NEDD4: variants seen among roughly 807,000 people sequenced by gnomAD.
NEDD4 encodes E3 ubiquitin-protein ligase NEDD4.
In NEDD4, 99 loss-of-function variants were observed where a neutral mutation model predicts 144.9. The observed-to-expected ratio is 0.68, with a 90% CI of 0.58 to 0.81. The LOEUF (loss-of-function observed/expected upper bound fraction) is 0.81. Among genes scored for constraint, NEDD4 ranks in the 30% least tolerant of loss-of-function variants. NEDD4 has a pLI of 0.00. For synonymous variants in NEDD4, 318 were observed against 350.6 expected (o/e 0.91, Z 1.04); for missense variants, 985 against 1,065.9 (o/e 0.92, Z 1.06).
At chr15:55,847,344 C>G (rs1452383835) in intron 17 of NEDD4, among the ~76,000 whole-genome samples, 2 of 152,088 alleles carry the variant, frequency 1.3e-5, no homozygotes, top group African/African-American at 4.8e-5. Context: ...ATTTCCATTT[C>G]TAAAGAGACT....
chr15:55,915,953 A>T, intron 5 of NEDD4: 1 of 1,613,894 alleles, frequency 6.2e-7, no homozygotes, highest in Non-Finnish European at 8.5e-7. Context: ...GTGAAGTTTG[A>T]TAGGATCCTT....
chr15:55,882,012 G>A lies in NEDD4; in HGVS notation c.292-8004C>T, dbSNP rs763048731. On this transcript the variant is annotated intron_variant, in intron 5 of 28. Transcript: ENST00000435532. ...GGGTGGCAAGATCATTCCTCATTAA[G>A]AACCACTGCTACAGAAGGTATAAGA... 2.0e-5 allele frequency among the ~76,000 whole-genome samples: 3 copies of A among 152,108 alleles called. 1 individual carries two copies. The highest frequency in any genetic ancestry group is 7.2e-5 in the African/African-American group (3 of 41,412).
At chr15:55,915,505 G>C in intron 5 of NEDD4, 1 of 1,613,798 alleles carries the variant, frequency 6.2e-7, no homozygotes, top group Non-Finnish European at 8.5e-7. Context: ...ATCTGTGAAT[G>C]TGGTCTTTCC....
At chr15:55,921,073 A>G (rs1186197004) in intron 5 of NEDD4, among the ~76,000 whole-genome samples, 2 of 152,208 alleles carry the variant, frequency 1.3e-5, no homozygotes, top group African/African-American at 4.8e-5. Flanking sequence ...AAGTCTACGA[A>G]TGTTAAATGA....
intron 5 of NEDD4, among the ~76,000 whole-genome samples, chr15:55,884,690 G>A (rs1218549684): frequency 6.6e-6 from 1 of 151,932 alleles, no homozygotes; most frequent in Non-Finnish European, 1.5e-5. Context: ...GTTAATATCA[G>A]AATTTATCAA....
chr15:55,896,948 C>T (rs1227772281), intron 5 of NEDD4, among the ~76,000 whole-genome samples: 1 of 151,626 alleles, frequency 6.6e-6, no homozygotes, highest in Non-Finnish European at 1.5e-5. Context: ...TATGAATATA[C>T]AATTTATAAA....
rs2034700749 is a variant in NEDD4 at position 55,869,572 on chromosome 15, A to G, written c.507+7T>C. The G allele has an allele frequency of 1.3e-6, 2 of 1,527,042 alleles. No homozygotes were observed. The highest frequency in any genetic ancestry group is 1.4e-5 in the African/African-American group (1 of 72,300). 94.6% of individuals were successfully genotyped at this position (1,527,042 alleles called of 1,614,324 possible). On this transcript the variant is annotated splice_region_variant and intron_variant, in intron 8 of 28. Coordinates refer to ENST00000435532, the MANE Select transcript of NEDD4 (RefSeq NM_006154.4). ...TTTAGTTTAACCAAATATTTATAAA[A>G]TCTCACCTCTAATTCCTCAGCCTGT...
chr15:55,974,891 C>CTTTCTTTTTTTTTTTTTTT (rs2037673350), intron 1 of NEDD4, among the ~76,000 whole-genome samples: 1 of 75,700 alleles, frequency 1.3e-5, no homozygotes, highest in South Asian at 5.6e-4. Context: ...CTTTTCCTTT[C>CTTTCTTTTTTTTTTTTTTT]TTTTTTTTTT....
chr15:55,867,724 A>C (rs1281894740), intron 8 of NEDD4, among the ~76,000 whole-genome samples: 1 of 152,200 alleles, frequency 6.6e-6, no homozygotes. Flanking sequence ...TTGATCACCA[A>C]ACCAGGGGCT....
intron 7 of NEDD4, among the ~76,000 whole-genome samples, chr15:55,870,532 T>C (rs764880045): frequency 0.037 from 153 of 4,156 alleles, no homozygotes; most frequent in Non-Finnish European, 0.087. Flanking sequence ...TCTTCTTCTT[T>C]TTTTTTTTTT....
chr15:55,915,499 G>A (rs1358089034), intron 5 of NEDD4: 1 of 1,613,624 alleles, frequency 6.2e-7, no homozygotes, highest in East Asian at 2.2e-5. Context: ...TTGTTCATCT[G>A]TGAATGTGGT....
Position 55,872,451 on chromosome 15 carries a change from G to A in NEDD4, c.368C>T (p.Pro123Leu). ...LPTENPRLER[P>L]YTFKDFVLHP... ...AAGAACAAAATCCTTAAATGTATAT[G>A]GTCTCTCCAATCTTGGATTTTCTGT... The change falls in exon 7 of 29, where the codon CCA becomes CTA. Residue 123 changes from proline (P) to leucine (L), a missense_variant. Coordinates refer to ENST00000435532, the MANE Select transcript of NEDD4 (RefSeq NM_006154.4). The A allele has an allele frequency of 6.8e-7, 1 of 1,466,950 alleles. No homozygotes were observed. The highest frequency in any genetic ancestry group is 1.4e-5 in the South Asian group (1 of 73,408). 90.9% of individuals were successfully genotyped at this position (1,466,950 alleles called of 1,614,324 possible).
In NEDD4 at chr15:55,915,589, G is replaced by T. The variant is rs761461190; in HGVS notation, c.291+9057C>A. 5.6e-6 allele frequency: 9 copies of T among 1,613,952 alleles called. No individual in the cohort carries two copies. In the Admixed American group the frequency reaches 1.3e-4, roughly 24 times the overall value. ...AAACATGCAGATGTCCTATGCATGAGCTTAATATACTCTGAATCAGAATTA... is the reference window on the plus strand; with the variant it reads ...AAACATGCAGATGTCCTATGCATGATCTTAATATACTCTGAATCAGAATTA... On this transcript the variant is annotated intron_variant, in intron 5 of 28. Coordinates refer to ENST00000435532, the MANE Select transcript of NEDD4 (RefSeq NM_006154.4).
chr15:55,952,095 G>A (rs563931307), intron 2 of NEDD4, among the ~76,000 whole-genome samples: 5 of 151,798 alleles, frequency 3.3e-5, no homozygotes, highest in African/African-American at 7.2e-5. Flanking sequence ...TTGGGAGGCC[G>A]AGGCGGGCGG....
intron 1 of NEDD4, among the ~76,000 whole-genome samples, chr15:55,982,316 T>C (rs1206037834): frequency 3.3e-5 from 5 of 152,216 alleles, no homozygotes. Context: ...AAAAGATTTA[T>C]AGATGAATGT....
intron 5 of NEDD4, among the ~76,000 whole-genome samples, chr15:55,904,799 C>T (rs1374946971): frequency 6.6e-6 from 1 of 151,932 alleles, no homozygotes; most frequent in Non-Finnish European, 1.5e-5. Flanking sequence ...GTATGTCAGA[C>T]CAGAGGTATG....
Position 55,863,145 on chromosome 15 carries a change from A to G in NEDD4, c.508-66T>C, listed in dbSNP as rs1041897572. The G allele has an allele frequency of 5.3e-6, 7 of 1,327,536 alleles. No individual in the cohort carries two copies. The Admixed American group carries it at 2.0e-4, about 38-fold the overall frequency. 82.2% of individuals were successfully genotyped at this position (1,327,536 alleles called of 1,614,324 possible). On this transcript the variant is annotated intron_variant, in intron 8 of 28. Coordinates refer to ENST00000435532, the MANE Select transcript of NEDD4 (RefSeq NM_006154.4). Reference sequence around the variant, plus strand: ...TTTTTAACTTTCTAAATTATATGCTAAAGGAAATTTAAAAAGAGATTTATT... The same window carrying G: ...TTTTTAACTTTCTAAATTATATGCTGAAGGAAATTTAAAAAGAGATTTATT...
At chr15:55,984,702 T>C (rs1380902456) in intron 1 of NEDD4, among the ~76,000 whole-genome samples, 1 of 152,200 alleles carries the variant, frequency 6.6e-6, no homozygotes, top group Non-Finnish European at 1.5e-5. Flanking sequence ...TCAAAATGCT[T>C]TTTGTTTGTG....
chr15:55,923,830 C>T (rs1246611915), intron 5 of NEDD4, among the ~76,000 whole-genome samples: 1 of 150,568 alleles, frequency 6.6e-6, no homozygotes, highest in Non-Finnish European at 1.5e-5. Flanking sequence ...TAAAAACAGA[C>T]TTTTTTTTAA....
Sources: allele counts gnomAD v4.1 joint callset (sites outside exome capture counted in the v4.1 genomes callset), GRCh38; gene constraint gnomAD v4.1.1; transcripts MANE v1.5; gene names NCBI Gene and HGNC (gene_info 2026-07-23, HGNC 2026-07-21).